FAR2: variants seen among roughly 807,000 people sequenced by gnomAD.
FAR2 encodes the protein fatty acyl-CoA reductase 2, also known as epididymis secretory protein Li 81.
A neutral mutation model predicts 56.0 loss-of-function variants in FAR2; 19 were observed. The observed-to-expected ratio is 0.34, with a 90% CI of 0.24 to 0.50. FAR2 has a LOEUF of 0.50. Among genes scored for constraint, FAR2 ranks in the 20% least tolerant of loss-of-function variants. FAR2 has a pLI of 0.98. For synonymous variants in FAR2, 219 were observed against 218.8 expected, an observed-to-expected ratio of 1.00 and a Z score of -0.01; for missense variants, 508 against 642.2, an observed-to-expected ratio of 0.79 and a Z score of 2.26.
At chr12:29,200,893 G>C (rs1947400669) in intron 1 of FAR2, among the ~76,000 whole-genome samples, 1 of 152,164 alleles carries the variant, frequency 6.6e-6, no homozygotes, top group African/African-American at 2.4e-5. Context: ...ATCAGGGCCA[G>C]TCGCAACTGT....
chr12:29,280,337 T>A (rs1948768012), intron 2 of FAR2: 1 of 152,256 alleles, frequency 6.6e-6, no homozygotes. Flanking sequence ...CACACTCTTA[T>A]CAAGGATGTA....
At chr12:29,233,378 C>T (rs1396664125) in intron 1 of FAR2, among the ~76,000 whole-genome samples, 3 of 152,140 alleles carry the variant, frequency 2.0e-5, no homozygotes, top group Non-Finnish European at 4.4e-5. Context: ...AGTCCTCACT[C>T]CTTCACTCTT....
chr12:29,183,589 T>C (rs998973216), intron 1 of FAR2, among the ~76,000 whole-genome samples: 1 of 152,224 alleles, frequency 6.6e-6, no homozygotes, highest in Non-Finnish European at 1.5e-5. Flanking sequence ...GTTCTGTTAA[T>C]TATACTTTCT....
chr12:29,174,959 C>T (rs1565681696), intron 1 of FAR2, among the ~76,000 whole-genome samples: 1 of 152,142 alleles, frequency 6.6e-6, no homozygotes, highest in Non-Finnish European at 1.5e-5. Flanking sequence ...CCCAGAAGTA[C>T]AGGAGATGTG....
intron 1 of FAR2, among the ~76,000 whole-genome samples, chr12:29,257,230 G>A (rs1419132303): frequency 6.6e-6 from 1 of 152,032 alleles, no homozygotes; most frequent in Non-Finnish European, 1.5e-5. Flanking sequence ...TCTAGCTCAG[G>A]GTTTGTGAAT....
chr12:29,184,733 G>A (rs777655342), intron 1 of FAR2, among the ~76,000 whole-genome samples: 6 of 152,120 alleles, frequency 3.9e-5, no homozygotes, highest in Admixed American at 6.5e-5. Flanking sequence ...CACTGAGCCC[G>A]GCCCCTTCAT....
chr12:29,183,361 C>T (rs900570171), intron 1 of FAR2, among the ~76,000 whole-genome samples: 3 of 152,176 alleles, frequency 2.0e-5, no homozygotes, highest in Non-Finnish European at 4.4e-5. Flanking sequence ...CAATGACTCA[C>T]AAACATAATC....
chr12:29,307,407 G>GCCTACCTACCTA (rs58056460), intron 4 of FAR2, among the ~76,000 whole-genome samples: 2 of 151,198 alleles, frequency 1.3e-5, no homozygotes, highest in Non-Finnish European at 3.0e-5. Context: ...CTACCTGCCT[G>GCCTACCTACCTA]CCTACCTACC....
intron 2 of FAR2, among the ~76,000 whole-genome samples, chr12:29,288,999 A>G (rs1414712736): frequency 6.6e-6 from 1 of 152,164 alleles, no homozygotes; most frequent in South Asian, 2.1e-4. Flanking sequence ...AAAGATCTCT[A>G]TAATGAAAAC....
At chr12:29,217,274 A>G (rs1947633442) in intron 1 of FAR2, among the ~76,000 whole-genome samples, 2 of 152,214 alleles carry the variant, frequency 1.3e-5, no homozygotes, top group South Asian at 4.1e-4. Flanking sequence ...GGGTATGGGA[A>G]GGTGGAGAAT....
At chr12:29,163,967 T>A (rs529946953) in intron 1 of FAR2, among the ~76,000 whole-genome samples, 1 of 152,238 alleles carries the variant, frequency 6.6e-6, no homozygotes. Flanking sequence ...GATTGAACCA[T>A]GCACAATTGC....
At chr12:29,162,875 G>A (rs60287933) in intron 1 of FAR2, among the ~76,000 whole-genome samples, 6,877 of 152,214 alleles carry the variant, frequency 0.045, 236 homozygotes, top group South Asian at 0.13. Flanking sequence ...ATTCTTTGAC[G>A]CATTCATTCA....
intron 1 of FAR2, among the ~76,000 whole-genome samples, chr12:29,187,713 T>C (rs991348144): frequency 1.3e-5 from 2 of 152,246 alleles, no homozygotes; most frequent in African/African-American, 4.8e-5. Context: ...AGTTGTGTAA[T>C]CTGGACAATG....
intron 2 of FAR2, chr12:29,280,435 T>G (rs552037418): frequency 6.6e-6 from 1 of 152,250 alleles, no homozygotes; most frequent in Non-Finnish European, 1.5e-5. Flanking sequence ...AACATTTAAT[T>G]TGAAAAAAAC....
chr12:29,171,188 A>G (rs1194693898), intron 1 of FAR2, among the ~76,000 whole-genome samples: 1 of 152,160 alleles, frequency 6.6e-6, no homozygotes, highest in African/African-American at 2.4e-5. Context: ...GAGGAAGTCA[A>G]TTTCCTGGCC....
At chr12:29,256,805 G>T (rs1205108490) in intron 1 of FAR2, among the ~76,000 whole-genome samples, 1 of 152,228 alleles carries the variant, frequency 6.6e-6, no homozygotes, top group East Asian at 1.9e-4. Context: ...CGAGGAGGGT[G>T]TACTGGGTCC....
intron 4 of FAR2, among the ~76,000 whole-genome samples, chr12:29,303,727 C>T (rs139263120): frequency 1.2e-4 from 18 of 152,300 alleles, no homozygotes; most frequent in East Asian, 7.7e-4. Flanking sequence ...TCTAGGGGAA[C>T]GGTGAAAGCT....
chr12:29,332,229 A>G (rs1949741332), intron 10 of FAR2, among the ~76,000 whole-genome samples: 1 of 152,210 alleles, frequency 6.6e-6, no homozygotes, highest in Admixed American at 6.5e-5. Flanking sequence ...GGAAAGTTGC[A>G]TCATTTATGT....
chr12:29,231,342 G>A (rs957565493), intron 1 of FAR2, among the ~76,000 whole-genome samples: 7 of 152,090 alleles, frequency 4.6e-5, no homozygotes, highest in African/African-American at 1.4e-4. Flanking sequence ...AAGAGAGGGA[G>A]GTGTCAAAGG....
Sources: gnomAD v4.1 joint callset for allele counts (sites outside exome capture counted in the v4.1 genomes callset) on GRCh38, gnomAD v4.1.1 for gene constraint, MANE v1.5 for transcripts, NCBI Gene and HGNC (gene_info 2026-07-23, HGNC 2026-07-21) for gene names.